Variants in MGP observed in about 807,000 individuals in gnomAD.
MGP encodes the protein matrix Gla protein.
A neutral mutation model predicts 14.5 loss-of-function variants in MGP; 13 were observed. The observed-to-expected ratio is 0.89, with a 90% CI of 0.58 to 1.42. The LOEUF (loss-of-function observed/expected upper bound fraction) is 1.42, where lower values mean the gene tolerates loss of function less well. Ranked by LOEUF, MGP falls within the 40% of genes most tolerant of loss-of-function variation. The probability of loss-of-function intolerance (pLI) is 0.00; values close to 1 mark genes in which losing one functional copy is unlikely to be tolerated. For missense variants in MGP, 128 were observed against 133.7 expected, an observed-to-expected ratio of 0.96 and a Z score of 0.21; for synonymous variants, 44 against 46.3, an observed-to-expected ratio of 0.95 and a Z score of 0.20.
In MGP at chr12:14,881,663, A is replaced by G. The variant is rs184916517; in HGVS notation, c.*476T>C. 29 of 161,676 alleles carry G rather than the reference A, an allele frequency of 1.8e-4. No individual in the cohort carries two copies. The East Asian group carries it at 4.7e-3, about 26-fold the overall frequency. 10.0% of individuals were successfully genotyped at this position (161,676 alleles called of 1,614,324 possible). A position where few individuals can be genotyped will look rare whatever the true frequency, so the allele number is the denominator to read the frequency against. ...AGCCCTGTATTTGCCACAATTTACA[A>G]TAGGAAAATCCTGCAAAAAACATAC... is the stretch of plus-strand genomic sequence containing the variant. On this transcript the variant is annotated 3_prime_UTR_variant, in exon 4 of 4. Coordinates refer to ENST00000539261, the MANE Select transcript of MGP (RefSeq NM_000900.5).
chr12:14,881,953 T>C lies in MGP; in HGVS notation c.*186A>G. 1.5e-6 allele frequency: 1 copy of C among 675,650 alleles called. No individual in the cohort carries two copies. Among genetic ancestry groups the C allele is most frequent in the Non-Finnish European group, 2.6e-6 (1 of 388,638 alleles). The allele number at this position is 675,650 out of a possible 1,614,324, so 41.9% of individuals were successfully genotyped here. A position where few individuals can be genotyped will look rare whatever the true frequency, so the allele number is the denominator to read the frequency against. On this transcript the variant is annotated 3_prime_UTR_variant, in exon 4 of 4. Coordinates refer to ENST00000539261, the MANE Select transcript of MGP (RefSeq NM_000900.5). ...ACATATGTTGACTCTCCTTTGACCC[T>C]CACTGCAGTGCACTTTCATTACTTA...
intron 1 of MGP, among the ~76,000 whole-genome samples, chr12:14,885,147 GA>G (rs1389231523): frequency 6.6e-6 from 1 of 152,108 alleles, no homozygotes; most frequent in Non-Finnish European, 1.5e-5. Flanking sequence ...TATAAGCTTT[GA>G]ACAAATGCAG....
chr12:14,882,214 G>C lies in MGP; in HGVS notation c.237C>G (p.Cys79Trp). ...ATCCATAAACCATGGCGTAGCGTTCGCAAAGTCTGTAGTCATCACAGGCTT... is the reference window on the plus strand; with the variant it reads ...ATCCATAAACCATGGCGTAGCGTTCCCAAAGTCTGTAGTCATCACAGGCTT... ...NREACDDYRL[C>W]ERYAMVYGYN... is the part of the protein sequence containing the mutation. The change falls in exon 4 of 4, where the codon TGC becomes TGG. Residue 79 changes from cysteine (C) to tryptophan (W), a missense_variant. Cys to Trp is a radical substitution (Grantham distance 215). Transcript: ENST00000539261. The C allele has an allele frequency of 6.2e-7, 1 of 1,614,010 alleles. No homozygotes were observed. The highest frequency in any genetic ancestry group is 1.1e-5 in the South Asian group (1 of 91,080).
Position 14,885,835 on chromosome 12 carries a change from G to A in MGP, c.-44C>T. 1.9e-6 allele frequency: 3 copies of A among 1,563,080 alleles called. No individual in the cohort carries two copies. Among genetic ancestry groups the A allele is most frequent in the South Asian group, 2.2e-5 (2 of 89,674 alleles). On this transcript the variant is annotated 5_prime_UTR_variant, in exon 1 of 4. Coordinates refer to ENST00000539261, the MANE Select transcript of MGP (RefSeq NM_000900.5). ...AGTCTCAGGGTCTTGTGTAGCAGCA[G>A]TAGGGAGAGAGGCTCCTACGGGATG... is the stretch of plus-strand genomic sequence containing the variant.
At chr12:14,883,388 T>A (rs776964326) in intron 2 of MGP, 4 of 342,240 alleles carry the variant, frequency 1.2e-5, no homozygotes, top group Non-Finnish European at 2.3e-5. Flanking sequence ...TTATGAAGCA[T>A]AACTAGATTG....
rs535020933 is a variant in MGP at position 14,880,929 on chromosome 12, C to T, written c.*1210G>A. Among the ~76,000 whole-genome samples the T allele has an allele frequency of 6.6e-6, 1 of 152,000 alleles. No individual in the cohort carries two copies. Among genetic ancestry groups the T allele is most frequent in the African/African-American group, 2.4e-5 (1 of 41,382 alleles). On this transcript the variant is annotated 3_prime_UTR_variant, in exon 4 of 4. Transcript: ENST00000539261. ...GTAAGAATTACAACAAATTTTATAT[C>T]GAAAAATTGTGCAAGCTAGAATTCA...
Position 14,883,004 on chromosome 12 carries a change from A to T in MGP, c.138T>A (p.Pro46=). ...NRRNANTFIS[P]QQRWRAKVQE... Reference sequence around the variant, plus strand: ...GGACTTTAGCTCTCCATCTCTGCTGAGGGGATATGAAGGTATTTGCATTTC... The same window carrying T: ...GGACTTTAGCTCTCCATCTCTGCTGTGGGGATATGAAGGTATTTGCATTTC... The change falls in exon 3 of 4, where the codon CCT becomes CCA. Residue 46 remains proline (P), a synonymous_variant. Coordinates refer to ENST00000539261, the MANE Select transcript of MGP (RefSeq NM_000900.5). 1 of 1,612,886 alleles carries T rather than the reference A, an allele frequency of 6.2e-7. No homozygotes were observed. The highest frequency in any genetic ancestry group is 1.1e-5 in the South Asian group (1 of 91,058).
intron 3 of MGP, among the ~76,000 whole-genome samples, 185 bp downstream of exon 3, chr12:14,882,787 C>T (rs1337189409): frequency 6.0e-5 from 9 of 150,208 alleles, no homozygotes; most frequent in Middle Eastern, 3.5e-3. Flanking sequence ...TTCTCCTTTC[C>T]GGATCTTTCC....
Position 14,884,961 on chromosome 12 carries a change from C to T in MGP, c.62-716G>A. On this transcript the variant is annotated intron_variant, in intron 1 of 3. Coordinates refer to ENST00000539261, the MANE Select transcript of MGP (RefSeq NM_000900.5). Reference sequence around the variant, plus strand: ...GCCAGCAAGTGAATTTTCTTCAAAACTTAAAAAGGAGGTGAAGAAATCAAA... The same window carrying T: ...GCCAGCAAGTGAATTTTCTTCAAAATTTAAAAAGGAGGTGAAGAAATCAAA... 14 of 1,346,116 alleles carry T rather than the reference C, an allele frequency of 1.0e-5. No individual in the cohort carries two copies. In the South Asian group the frequency reaches 1.7e-4, roughly 17 times the overall value. 83.4% of individuals were successfully genotyped at this position (1,346,116 alleles called of 1,614,324 possible). A position where few individuals can be genotyped will look rare whatever the true frequency, so the allele number is the denominator to read the frequency against.
chr12:14,882,973 T>C lies in MGP; in HGVS notation c.169A>G (p.Arg57Gly). The C allele has an allele frequency of 6.2e-7, 1 of 1,608,902 alleles. No homozygotes were observed. Among genetic ancestry groups the C allele is most frequent in the Non-Finnish European group, 8.5e-7 (1 of 1,175,368 alleles). The change falls in exon 3 of 4, where the codon AGG becomes GGG. Residue 57 changes from arginine (R) to glycine (G), a missense_variant and splice_region_variant. By Grantham distance (125) the Arg-to-Gly change is moderately radical. Transcript: ENST00000539261. ...QQRWRAKVQE[R>G]IRERSKPVHE... ...TCCTCATGAAGTTTTGTTACTGACCTCTCTTGGACTTTAGCTCTCCATCTC... is the reference window on the plus strand; with the variant it reads ...TCCTCATGAAGTTTTGTTACTGACCCCTCTTGGACTTTAGCTCTCCATCTC...
intron 1 of MGP, chr12:14,884,745 G>C: frequency 7.1e-7 from 1 of 1,417,624 alleles, no homozygotes; most frequent in Non-Finnish European, 9.5e-7. Context: ...AGAGGGTTCC[G>C]AAAGCCTCTT....
chr12:14,882,210 G>T lies in MGP; in HGVS notation c.241C>A (p.Arg81Ser). The change falls in exon 4 of 4, where the codon CGC (arginine) becomes AGC (serine). Residue 81 changes from arginine (R) to serine (S), a missense_variant. By Grantham distance (110) the Arg-to-Ser change is moderately radical. Transcript: ENST00000539261. ...EACDDYRLCE[R>S]YAMVYGYNAA... Reference sequence around the variant, plus strand: ...TTGTATCCATAAACCATGGCGTAGCGTTCGCAAAGTCTGTAGTCATCACAG... The same window carrying T: ...TTGTATCCATAAACCATGGCGTAGCTTTCGCAAAGTCTGTAGTCATCACAG... 6.2e-7 allele frequency: 1 copy of T among 1,614,008 alleles called. No individual in the cohort carries two copies.
In MGP at chr12:14,883,006, G is replaced by GATC. The variant is rs1410501001; in HGVS notation, c.135_136insGAT (p.Ser45_Pro46insAsp). On this transcript the variant is annotated inframe_insertion, in exon 3 of 4. Transcript: ENST00000539261. ...ACTTTAGCTCTCCATCTCTGCTGAG[G>GATC]GGATATGAAGGTATTTGCATTTCTC... The GATC allele has an allele frequency of 6.2e-7, 1 of 1,612,882 alleles. No homozygotes were observed. Among genetic ancestry groups the GATC allele is most frequent in the South Asian group, 1.1e-5 (1 of 91,060 alleles).
intron 1 of MGP, among the ~76,000 whole-genome samples, chr12:14,884,549 A>G (rs1863417775): frequency 6.6e-6 from 1 of 152,196 alleles, no homozygotes; most frequent in Non-Finnish European, 1.5e-5. Context: ...GTCTTCAGAC[A>G]AGCAAAATAA....
At chr12:14,884,772 T>C (rs963247382) in intron 1 of MGP, 3 of 1,513,762 alleles carry the variant, frequency 2.0e-6, no homozygotes, top group South Asian at 1.2e-5. Context: ...CTGTGTTAAA[T>C]TGGCAGCCAC....
chr12:14,883,592 A>G (rs1391562787), intron 2 of MGP: 1 of 170,752 alleles, frequency 5.9e-6, no homozygotes, highest in Non-Finnish European at 1.3e-5. Context: ...TGAGGCCAGG[A>G]GTTCGAGACC....
rs1012490426 is a variant in MGP at position 14,881,115 on chromosome 12, G to A, written c.*1024C>T. 6 of 152,178 alleles carry A rather than the reference G, an allele frequency of 3.9e-5. No homozygotes were observed. Among genetic ancestry groups the A allele is most frequent in the African/African-American group, 1.4e-4 (6 of 41,460 alleles). The allele number at this position is 152,178 out of a possible 1,614,324, so 9.4% of individuals were successfully genotyped here. A position where few individuals can be genotyped will look rare whatever the true frequency, so the allele number is the denominator to read the frequency against. On this transcript the variant is annotated 3_prime_UTR_variant, in exon 4 of 4. Transcript: ENST00000539261. ...GGAAGTCGTCAGGCAGAAAGGAAGT[G>A]ACACCAGATGGAAAGAAGAATGAAG...
intron 3 of MGP, 97 bp from the exon 4 acceptor site, chr12:14,882,377 A>T: frequency 7.1e-7 from 1 of 1,400,258 alleles, no homozygotes; most frequent in Non-Finnish European, 1.0e-6. Flanking sequence ...CTTTCTCTCC[A>T]TGCCCCCCTA....
At position 14,881,298 on chromosome 12, in the gene MGP, G is replaced by A. The variant is rs1358064759; in HGVS notation, c.*841C>T. 2 of 152,048 alleles carry A rather than the reference G, an allele frequency of 1.3e-5. No individual in the cohort carries two copies. The highest frequency in any genetic ancestry group is 4.8e-5 in the African/African-American group (2 of 41,368). 9.4% of individuals were successfully genotyped at this position (152,048 alleles called of 1,614,324 possible). A position where few individuals can be genotyped will look rare whatever the true frequency, so the allele number is the denominator to read the frequency against. ...GATTACAGGTGTGGCCACTGTGCCT[G>A]GCCCGGGATATTTTCTTATTATCTA... On this transcript the variant is annotated 3_prime_UTR_variant, in exon 4 of 4. Transcript: ENST00000539261.
Sources: allele counts gnomAD v4.1 joint callset (sites outside exome capture counted in the v4.1 genomes callset), GRCh38; gene constraint gnomAD v4.1.1; transcripts MANE v1.5; gene names NCBI Gene and HGNC (gene_info 2026-07-23, HGNC 2026-07-21).